BFAR: variants seen among roughly 807,000 people sequenced by gnomAD.
The protein encoded by BFAR is RING finger protein 47.
BFAR carries 52 observed loss-of-function variants against 54.4 expected under a neutral mutation model. That is an observed-to-expected ratio of 0.96 (90% CI 0.77 to 1.21). The LOEUF is 1.21. BFAR is among the 50% of genes most tolerant of loss of function. The pLI is 0.00. For synonymous variants in BFAR, 215 were observed against 204.3 expected, an observed-to-expected ratio of 1.05 and a Z score of -0.45; for missense variants, 571 against 534.0, an observed-to-expected ratio of 1.07 and a Z score of -0.68.
intron 1 of BFAR, among the ~76,000 whole-genome samples, 160 bp from the exon 2 acceptor site, chr16:14,644,114 G>T (rs1476204458): frequency 1.4e-5 from 2 of 147,388 alleles, no homozygotes; most frequent in Admixed American, 1.4e-4. Flanking sequence ...AGTGAGCTGA[G>T]ATCACGCCAC....
intron 1 of BFAR, among the ~76,000 whole-genome samples, chr16:14,635,043 A>G (rs1959389605): frequency 6.6e-6 from 1 of 152,136 alleles, no homozygotes; most frequent in South Asian, 2.1e-4. Flanking sequence ...GGATAAGGAA[A>G]AATGTCCAAG....
Position 14,669,085 on chromosome 16 carries a change from T to C in BFAR, c.*1258T>C, listed in dbSNP as rs984602183. On this transcript the variant is annotated 3_prime_UTR_variant, in exon 8 of 8. Transcript: ENST00000261658. Reference sequence around the variant, plus strand: ...TCTTGGAAGACAGGCCTTGCAGAAATAGGCCTACATCCAAAATATTATCTT... The same window carrying C: ...TCTTGGAAGACAGGCCTTGCAGAAACAGGCCTACATCCAAAATATTATCTT... The C allele has an allele frequency of 1.1e-5, 5 of 454,550 alleles. No homozygotes were observed. Among genetic ancestry groups the C allele is most frequent in the Admixed American group, 4.7e-5 (2 of 42,428 alleles). 28.2% of individuals were successfully genotyped at this position (454,550 alleles called of 1,614,324 possible). A position where few individuals can be genotyped will look rare whatever the true frequency, so the allele number is the denominator to read the frequency against.
intron 5 of BFAR, among the ~76,000 whole-genome samples, chr16:14,659,445 T>C (rs2151843168): frequency 6.6e-6 from 1 of 151,718 alleles, no homozygotes; most frequent in South Asian, 2.1e-4. Context: ...GGTTTCACCA[T>C]GTTGGTCAGG....
rs558256228 is a variant in BFAR at position 14,668,434 on chromosome 16, T to TG, written c.*608dup. ...TTGAGCCTAGAATGATGGTTAGACT[T>TG]GTAGTCACTGGGCTTTTGTTTTGCT... On this transcript the variant is annotated 3_prime_UTR_variant, in exon 8 of 8. Transcript: ENST00000261658. The TG allele has an allele frequency of 2.6e-4, 39 of 152,858 alleles. No homozygotes were observed. The highest frequency in any genetic ancestry group is 9.1e-4 in the African/African-American group (38 of 41,582). 9.5% of individuals were successfully genotyped at this position (152,858 alleles called of 1,614,324 possible).
At chr16:14,658,993 C>T (rs1354786961) in intron 5 of BFAR, among the ~76,000 whole-genome samples, 1 of 151,868 alleles carries the variant, frequency 6.6e-6, no homozygotes, top group African/African-American at 2.4e-5. Context: ...CTGCAAACTC[C>T]ACCTCCCAGG....
intron 3 of BFAR, among the ~76,000 whole-genome samples, chr16:14,648,929 A>C (rs1960444944): frequency 6.6e-6 from 1 of 151,926 alleles, no homozygotes; most frequent in Non-Finnish European, 1.5e-5. Flanking sequence ...GGTGCGATCT[A>C]GGTAAAAACT....
Position 14,644,371 on chromosome 16 carries a change from G to A in BFAR, c.25G>A (p.Val9Met). Residue 9 changes from valine to methionine, a missense_variant, in exon 2 of 8, where the codon GTG (valine) becomes ATG (methionine). By Grantham distance (21) the Val-to-Met change is conservative (BLOSUM62 1). Coordinates refer to ENST00000261658, the MANE Select transcript of BFAR (RefSeq NM_016561.3). MEEPQKSY[V>M]NTMDLERDEP... is the part of the protein sequence containing the mutation. ...GATGGAGGAACCTCAGAAAAGCTAT[G>A]TGAACACAATGGACCTTGAGAGAGA... The A allele has an allele frequency of 1.2e-6, 2 of 1,613,854 alleles. No individual in the cohort carries two copies. Among genetic ancestry groups the A allele is most frequent in the Non-Finnish European group, 1.7e-6 (2 of 1,179,952 alleles).
chr16:14,661,478 T>G (rs1960286074), intron 5 of BFAR, among the ~76,000 whole-genome samples: 1 of 129,802 alleles, frequency 7.7e-6, no homozygotes, highest in Non-Finnish European at 1.6e-5. Context: ...CTCGGCACAC[T>G]GCAACCTCCA....
chr16:14,664,834 T>C, intron 6 of BFAR, 35 bp from the exon 7 acceptor site: 1 of 1,571,816 alleles, frequency 6.4e-7, no homozygotes, highest in Non-Finnish European at 8.8e-7. Context: ...AAGTCAGTCC[T>C]CATGACTTTT....
chr16:14,645,853 ACACACATACATACATT>A (rs948324579), intron 2 of BFAR, among the ~76,000 whole-genome samples: 1 of 152,092 alleles, frequency 6.6e-6, no homozygotes, highest in African/African-American at 2.4e-5. Context: ...ACACACATAC[ACACACATACATACATT>A]CATTGTTTAT....
At chr16:14,663,532 T>C (rs1960352468) in intron 6 of BFAR, among the ~76,000 whole-genome samples, 1 of 151,410 alleles carries the variant, frequency 6.6e-6, no homozygotes, top group Non-Finnish European at 1.5e-5. Flanking sequence ...GGGGTTTCAC[T>C]GTGTCAGCCA....
chr16:14,665,157 G>A, intron 7 of BFAR, 86 bp downstream of exon 7: 2 of 1,316,052 alleles, frequency 1.5e-6, no homozygotes, highest in Non-Finnish European at 2.1e-6. Context: ...TCTCACACTT[G>A]AAATAAATCC....
At chr16:14,638,147 C>T (rs1050048553) in intron 1 of BFAR, among the ~76,000 whole-genome samples, 1 of 152,124 alleles carries the variant, frequency 6.6e-6, no homozygotes. Context: ...CTTTGGGAAG[C>T]TGAGACCAGA....
intron 1 of BFAR, among the ~76,000 whole-genome samples, chr16:14,635,840 C>G (rs537681253): frequency 9.2e-5 from 14 of 151,922 alleles, no homozygotes; most frequent in Admixed American, 5.2e-4. Flanking sequence ...CCATATTGGC[C>G]AGGCTGGTCT....
At position 14,662,003 on chromosome 16, in the gene BFAR, A is replaced by C; in HGVS notation, c.895A>C (p.Ile299Leu). 6.2e-7 allele frequency: 1 copy of C among 1,614,050 alleles called. No homozygotes were observed. Among genetic ancestry groups the C allele is most frequent in the Non-Finnish European group, 8.5e-7 (1 of 1,180,030 alleles). Residue 299 changes from isoleucine to leucine, a missense_variant, in exon 6 of 8, where the codon ATC becomes CTC. Coordinates refer to ENST00000261658, the MANE Select transcript of BFAR (RefSeq NM_016561.3). ...FDYTDTFLPF[I>L]HTICPLQEDS... ...CTACACCGACACCTTCCTACCTTTC[A>C]TCCACACCATCTGCCCTCTGCAAGA...
Position 14,667,893 on chromosome 16 carries a change from G to A in BFAR, c.*66G>A. 2.7e-6 allele frequency: 4 copies of A among 1,499,818 alleles called. No individual in the cohort carries two copies. Among genetic ancestry groups the A allele is most frequent in the Non-Finnish European group, 3.7e-6 (4 of 1,088,336 alleles). The allele number at this position is 1,499,818 out of a possible 1,614,324, so 92.9% of individuals were successfully genotyped here. A position where few individuals can be genotyped will look rare whatever the true frequency, so the allele number is the denominator to read the frequency against. On this transcript the variant is annotated 3_prime_UTR_variant, in exon 8 of 8. Coordinates refer to ENST00000261658, the MANE Select transcript of BFAR (RefSeq NM_016561.3). ...GTCTGAGCTTTGATGCTTAAGAGGG[G>A]TGAGGCAGGGAGCGGACTTCCTATT...
rs752200201 is a variant in BFAR at position 14,644,615 on chromosome 16, G to C, written c.263+6G>C. ...AAAGTCAGTATTCTCCTCAGGTAAT[G>C]TTCAGCCTATATTGGTAGCACAAAC... On this transcript the variant is annotated splice_donor_region_variant and intron_variant, in intron 2 of 7. Coordinates refer to ENST00000261658, the MANE Select transcript of BFAR (RefSeq NM_016561.3). 1 of 1,606,286 alleles carries C rather than the reference G, an allele frequency of 6.2e-7. No homozygotes were observed. Among genetic ancestry groups the C allele is most frequent in the East Asian group, 2.2e-5 (1 of 44,626 alleles).
chr16:14,664,990 G>T lies in BFAR; in HGVS notation c.1079G>T (p.Arg360Leu). 1 of 1,613,928 alleles carries T rather than the reference G, an allele frequency of 6.2e-7. No individual in the cohort carries two copies. The highest frequency in any genetic ancestry group is 8.5e-7 in the Non-Finnish European group (1 of 1,179,834). Residue 360 changes from arginine (R) to leucine (L), a missense_variant, in exon 7 of 8, where the codon CGG (arginine) becomes CTG (leucine). Coordinates refer to ENST00000261658, the MANE Select transcript of BFAR (RefSeq NM_016561.3). ...DWLEVHYWTSRFLIINAMLLS... is the reference protein window; with the variant it reads ...DWLEVHYWTSLFLIINAMLLS... ...TTGGAGGTCCATTACTGGACATCACGGTTTCTCATCATCAATGCTATGTTA... is the reference window on the plus strand; with the variant it reads ...TTGGAGGTCCATTACTGGACATCACTGTTTCTCATCATCAATGCTATGTTA...
At chr16:14,662,380 T>A in intron 6 of BFAR, among the ~76,000 whole-genome samples, 1 of 152,324 alleles carries the variant, frequency 6.6e-6, no homozygotes, top group Middle Eastern at 3.4e-3. Flanking sequence ...AATCAAGTGC[T>A]GGCTAACTGG....
Sources: allele counts gnomAD v4.1 joint callset (sites outside exome capture counted in the v4.1 genomes callset), GRCh38; gene constraint gnomAD v4.1.1; transcripts MANE v1.5; gene names NCBI Gene and HGNC (gene_info 2026-07-23, HGNC 2026-07-21).